The following SPATA24 variants were observed in gnomAD, a reference collection of about 807,000 sequenced individuals.
SPATA24 encodes spermatogenesis-associated protein 24.
A neutral mutation model predicts 28.9 loss-of-function variants in SPATA24; 21 were observed. The observed-to-expected ratio is 0.73, with a 90% CI of 0.52 to 1.05. SPATA24 has a LOEUF of 1.05. SPATA24 is among the 50% of genes least tolerant of loss of function. SPATA24 has a pLI of 0.00. For synonymous variants in SPATA24, 76 were observed against 89.9 expected (o/e 0.85, Z 0.88); for missense variants, 215 against 242.9 (o/e 0.88, Z 0.76).
chr5:139,393,199 C>T (rs756792252), downstream of SPATA24: 14 of 1,549,436 alleles, frequency 9.0e-6, no homozygotes, highest in South Asian at 7.1e-5. Context: ...CACCAACTTG[C>T]GCACGTCTCG....
intron 4 of SPATA24, among the ~76,000 whole-genome samples, chr5:139,399,962 G>A (rs1040082531): frequency 1.3e-5 from 2 of 152,242 alleles, no homozygotes; most frequent in African/African-American, 4.8e-5. Context: ...TGGGAAGTAA[G>A]GGGATGCCCA....
At chr5:139,398,537 C>A (rs180957985) in intron 4 of SPATA24, among the ~76,000 whole-genome samples, 66 of 152,300 alleles carry the variant, frequency 4.3e-4, no homozygotes, top group African/African-American at 1.4e-3. Context: ...TGTGCCCCTG[C>A]ACTCCAGCCT....
Position 139,404,085 on chromosome 5 carries a change from A to G in SPATA24, c.-25T>C. 1 of 1,535,536 alleles carries G rather than the reference A, an allele frequency of 6.5e-7. No homozygotes were observed. The highest frequency in any genetic ancestry group is 1.4e-5 in the African/African-American group (1 of 72,840). On this transcript the variant is annotated 5_prime_UTR_variant, in exon 1 of 6. Transcript: ENST00000450845. ...TCTTCCGCCCCCGCCAGCTAGTTGG[A>G]AATGGCTGCCTCGGGGGTGATCCTC...
At chr5:139,399,492 T>C (rs1758780195) in intron 4 of SPATA24, among the ~76,000 whole-genome samples, 1 of 152,196 alleles carries the variant, frequency 6.6e-6, no homozygotes, top group Non-Finnish European at 1.5e-5. Flanking sequence ...CACCGGGTCA[T>C]GGGACGAGGA....
chr5:139,393,318 C>G (rs1044219675), downstream of SPATA24: 1 of 1,550,814 alleles, frequency 6.4e-7, no homozygotes, highest in African/African-American at 1.4e-5. Flanking sequence ...TGCCGGGCGG[C>G]TCGGGTGCTG....
downstream of SPATA24, chr5:139,393,172 G>A (rs1483549625): frequency 6.5e-7 from 1 of 1,548,664 alleles, no homozygotes; most frequent in African/African-American, 1.4e-5. Context: ...CGGGAAGCCT[G>A]GCGCGTACGT....
downstream of SPATA24, chr5:139,394,104 G>T (rs748626913): frequency 1.9e-6 from 3 of 1,548,916 alleles, no homozygotes; most frequent in African/African-American, 4.1e-5. Context: ...GCGCAGGCTT[G>T]TCGCGCCGAA....
chr5:139,392,650 C>T, downstream of SPATA24: 1 of 1,389,508 alleles, frequency 7.2e-7, no homozygotes, highest in Non-Finnish European at 9.3e-7. This position sits in a 1 kb window ranked among gnomAD's most constrained non-coding sequence, Gnocchi z 5.8. Context: ...TATCCCAGGG[C>T]TCGGGCTGGC....
chr5:139,392,983 G>T (rs559526824), downstream of SPATA24: 1 of 1,504,130 alleles, frequency 6.6e-7, no homozygotes, highest in Non-Finnish European at 8.9e-7. This position sits in a 1 kb window ranked among gnomAD's most constrained non-coding sequence, Gnocchi z 5.8. Context: ...GTCGAAGGAC[G>T]GTTCAGGAGG....
At chr5:139,400,302 C>CTTTTTT (rs55789939) in intron 4 of SPATA24, among the ~76,000 whole-genome samples, 1 of 125,110 alleles carries the variant, frequency 8.0e-6, no homozygotes, top group Non-Finnish European at 1.7e-5. Context: ...TTCATACCTA[C>CTTTTTT]TTTTTTTTTT....
chr5:139,397,762 C>G (rs1343233207), intron 4 of SPATA24, among the ~76,000 whole-genome samples: 1 of 152,118 alleles, frequency 6.6e-6, no homozygotes, highest in Non-Finnish European at 1.5e-5. Context: ...ACCATGTTGG[C>G]CAGGCTGGTC....
Position 139,397,023 on chromosome 5 carries a change from C to T in SPATA24, c.488+18G>A, listed in dbSNP as rs1314905690. On this transcript the variant is annotated intron_variant, in intron 5 of 5. Coordinates refer to ENST00000450845, the MANE Select transcript of SPATA24 (RefSeq NM_194296.2). ...CCCAGTGTCATCAACAACCCCCAGC[C>T]GGGCCCAGACCCCTCACCTGAAGAT... 17 of 1,551,488 alleles carry T rather than the reference C, an allele frequency of 1.1e-5. No individual in the cohort carries two copies. In the East Asian group the frequency reaches 2.4e-4, roughly 22 times the overall value.
chr5:139,393,284 C>T (rs1010702549), downstream of SPATA24: 2 of 1,550,036 alleles, frequency 1.3e-6, no homozygotes, highest in South Asian at 1.2e-5. Context: ...CACTTATCCG[C>T]GTCCAGGGTG....
At chr5:139,398,073 G>C (rs1581400604) in intron 4 of SPATA24, among the ~76,000 whole-genome samples, 1 of 152,204 alleles carries the variant, frequency 6.6e-6, no homozygotes, top group African/African-American at 2.4e-5. Context: ...TTAGGACTCA[G>C]AAAAAAGACC....
At chr5:139,393,954 C>T (rs1041012977), downstream of SPATA24, 38 of 1,550,658 alleles carry the variant, frequency 2.5e-5, no homozygotes, top group Admixed American at 3.9e-4. Context: ...GGATCCTACA[C>T]TCAAAAGGCG....
At chr5:139,392,787 G>A (rs1332022757), downstream of SPATA24, 1 of 1,453,050 alleles carries the variant, frequency 6.9e-7, no homozygotes, top group Non-Finnish European at 9.1e-7. This position sits in a 1 kb window ranked among gnomAD's most constrained non-coding sequence, Gnocchi z 5.8. Flanking sequence ...CCAGGCGCTG[G>A]GCCTCTACAT....
downstream of SPATA24, chr5:139,393,805 C>T (rs1382321247): frequency 6.4e-7 from 1 of 1,551,332 alleles, no homozygotes; most frequent in African/African-American, 1.4e-5. Flanking sequence ...CAATGGGCTA[C>T]TCACCCTCCG....
chr5:139,394,236 C>G, downstream of SPATA24: 1 of 1,548,628 alleles, frequency 6.5e-7, no homozygotes. Context: ...GGGCCGTTTC[C>G]CGGGTCTCAG....
At chr5:139,392,996 C>T (rs1166326643), downstream of SPATA24, 6 of 1,515,978 alleles carry the variant, frequency 4.0e-6, no homozygotes, top group African/African-American at 1.4e-5. The surrounding 1 kb of genome is among the most constrained non-coding windows in gnomAD (Gnocchi z 5.8). Flanking sequence ...TCAGGAGGCT[C>T]GTAGGGGTGC....
Sources: gnomAD v4.1 joint callset for allele counts (sites outside exome capture counted in the v4.1 genomes callset) on GRCh38, gnomAD v4.1.1 for gene constraint, Gnocchi (gnomAD v3.1) non-coding constraint, MANE v1.5 for transcripts, NCBI Gene and HGNC (gene_info 2026-07-23, HGNC 2026-07-21) for gene names.